The following LAMA3 variants were observed in gnomAD, a reference collection of about 807,000 sequenced individuals.
The protein encoded by LAMA3 is laminin subunit alpha 3.
Under a neutral mutation model 402.0 loss-of-function variants are expected in LAMA3, and 281 were observed. The observed-to-expected ratio is 0.70, with a 90% CI of 0.63 to 0.77. The LOEUF is 0.77. LAMA3 is among the 30% of genes least tolerant of loss of function. The pLI, the probability that LAMA3 is intolerant of heterozygous loss-of-function variation, is 0.00. For missense variants in LAMA3, 3,840 were observed against 4,215.5 expected, an observed-to-expected ratio of 0.91 and a Z score of 2.47; for synonymous variants, 1,431 against 1,558.4, an observed-to-expected ratio of 0.92 and a Z score of 1.93.
At chr18:23,848,822 C>T (rs551640528) in intron 32 of LAMA3, among the ~76,000 whole-genome samples, 1 of 152,196 alleles carries the variant, frequency 6.6e-6, no homozygotes, top group South Asian at 2.1e-4. Flanking sequence ...TTGGTTTCTT[C>T]CGGAGGGTCT....
chr18:23,775,843 G>T lies in LAMA3; in HGVS notation c.1325G>T (p.Arg442Leu). 6.2e-7 allele frequency: 1 copy of T among 1,613,912 alleles called. No individual in the cohort carries two copies. Among genetic ancestry groups the T allele is most frequent in the Non-Finnish European group, 8.5e-7 (1 of 1,179,786 alleles). ...GATGGCTGTGAACAGGGTTCAGGCC[G>T]CTGTCACTGCAAGCCAAATTTCCAC... is the stretch of plus-strand genomic sequence containing the variant. ...HADGCEQGSG[R>L]CHCKPNFHGD... The change falls in exon 10 of 75, where the codon CGC (arginine) becomes CTC (leucine). Residue 442 changes from arginine to leucine, a missense_variant. Physicochemically the swap from Arg to Leu is moderately radical, Grantham distance 102. Transcript: ENST00000313654.
chr18:23,890,182 A>T, intron 42 of LAMA3, 65 bp downstream of exon 42: 1 of 1,062,988 alleles, frequency 9.4e-7, no homozygotes, highest in Non-Finnish European at 1.5e-6. Context: ...ACAGCCTAAG[A>T]ACCCAAGCAC....
chr18:23,692,544 T>C (rs947978317), intron 1 of LAMA3, among the ~76,000 whole-genome samples: 3 of 152,228 alleles, frequency 2.0e-5, no homozygotes, highest in African/African-American at 7.2e-5. Context: ...AGTGCTAGGA[T>C]TACAGGCATG....
intron 12 of LAMA3, among the ~76,000 whole-genome samples, chr18:23,805,836 A>G (rs2062952528): frequency 6.6e-6 from 1 of 152,214 alleles, no homozygotes; most frequent in African/African-American, 2.4e-5. Context: ...AGAAAGATTT[A>G]CCTTATAAAT....
At chr18:23,901,770 G>A (rs1010400499) in intron 48 of LAMA3, among the ~76,000 whole-genome samples, 1 of 152,158 alleles carries the variant, frequency 6.6e-6, no homozygotes, top group Non-Finnish European at 1.5e-5. Flanking sequence ...TAAAAGTACA[G>A]GCCACCTACA....
chr18:23,911,676 G>T (rs542289482), intron 55 of LAMA3, among the ~76,000 whole-genome samples: 1 of 150,942 alleles, frequency 6.6e-6, no homozygotes, highest in African/African-American at 2.4e-5. Flanking sequence ...TATTTTTCAG[G>T]ACTGAACACC....
At chr18:23,693,633 A>G (rs1390596722) in intron 1 of LAMA3, among the ~76,000 whole-genome samples, 1 of 152,084 alleles carries the variant, frequency 6.6e-6, no homozygotes, top group East Asian at 1.9e-4. Flanking sequence ...CTTCTATATT[A>G]TAGAAATAGT....
intron 7 of LAMA3, among the ~76,000 whole-genome samples, chr18:23,761,253 G>A (rs1010656920): frequency 1.3e-5 from 2 of 152,118 alleles, no homozygotes; most frequent in African/African-American, 4.8e-5. Flanking sequence ...TGAGAACTAT[G>A]CTCTATTGCA....
chr18:23,907,469 G>T, intron 52 of LAMA3, 81 bp from the exon 53 acceptor site: 1 of 983,482 alleles, frequency 1.0e-6, no homozygotes, highest in South Asian at 1.3e-5. Flanking sequence ...TGCAGACACT[G>T]GCTACTTCAG....
At chr18:23,823,792 G>A (rs1342130070) in intron 20 of LAMA3, among the ~76,000 whole-genome samples, 1 of 152,174 alleles carries the variant, frequency 6.6e-6, no homozygotes, top group Non-Finnish European at 1.5e-5. Context: ...CTTGTAGAAG[G>A]TCCTCTCTTT....
chr18:23,933,173 G>A (rs1164683795), intron 66 of LAMA3, among the ~76,000 whole-genome samples: 1 of 152,118 alleles, frequency 6.6e-6, no homozygotes, highest in East Asian at 1.9e-4. Context: ...GTATCATCCA[G>A]TGCCCATCTT....
chr18:23,784,276 G>A, intron 12 of LAMA3, 119 bp downstream of exon 12: 1 of 1,146,036 alleles, frequency 8.7e-7, no homozygotes, highest in Non-Finnish European at 1.3e-6. Context: ...TGGGCCCCTG[G>A]CTTATATATG....
chr18:23,903,443 TC>T (rs2081139042), intron 49 of LAMA3, among the ~76,000 whole-genome samples: 1 of 152,236 alleles, frequency 6.6e-6, no homozygotes, highest in Non-Finnish European at 1.5e-5. Context: ...TAAGACTTGA[TC>T]AAAACTGACA....
intron 12 of LAMA3, among the ~76,000 whole-genome samples, chr18:23,785,232 A>G (rs892662984): frequency 3.3e-5 from 5 of 152,166 alleles, no homozygotes; most frequent in African/African-American, 7.2e-5. Flanking sequence ...TGCAAACCCA[A>G]TTGGCATCCA....
chr18:23,939,376 C>T lies in LAMA3; in HGVS notation c.9016C>T (p.Leu3006=), dbSNP rs377253675. 3 of 1,614,084 alleles carry T rather than the reference C, an allele frequency of 1.9e-6. No homozygotes were observed. The African/African-American group carries it at 4.0e-5, about 22-fold the overall frequency. ...HLLFKLPQEL[L]KPRSQFAVDM... is the part of the protein sequence containing the mutation. ...GCTATTCAAGCTTCCTCAGGAGCTG[C>T]TGAAACCCAGGTATTATTTAGCTTT... The change falls in exon 68 of 75, where the codon CTG becomes TTG. Residue 3006 remains leucine, a synonymous_variant. Coordinates refer to ENST00000313654, the MANE Select transcript of LAMA3 (RefSeq NM_198129.4).
intron 13 of LAMA3, among the ~76,000 whole-genome samples, chr18:23,812,237 A>G (rs1290279498): frequency 2.0e-5 from 3 of 152,108 alleles, no homozygotes; most frequent in Non-Finnish European, 2.9e-5. Context: ...AGCTCCTCAG[A>G]AGGATGAGGT....
chr18:23,940,279 C>G (rs1295179296), intron 68 of LAMA3, among the ~76,000 whole-genome samples: 1 of 152,192 alleles, frequency 6.6e-6, no homozygotes, highest in Non-Finnish European at 1.5e-5. Context: ...AGTCCACAGA[C>G]TGTAACACAG....
chr18:23,902,925 G>A (rs537252987), intron 48 of LAMA3, 84 bp from the exon 49 acceptor site: 183 of 801,770 alleles, frequency 2.3e-4, no homozygotes, highest in Non-Finnish European at 3.4e-4. Context: ...TTGAAATTAC[G>A]TATATGCTAT....
At position 23,747,927 on chromosome 18, in the gene LAMA3, T is replaced by C. The variant is rs1187618277; in HGVS notation, c.448-16T>C. ...ATGAGATGACATTAATAACTGTATC[T>C]CTTTTGTTTTATCAGCTCTTCCATG... On this transcript the variant is annotated splice_polypyrimidine_tract_variant and intron_variant, in intron 2 of 74. Transcript: ENST00000313654. The C allele has an allele frequency of 1.5e-6, 2 of 1,347,790 alleles. No homozygotes were observed. The highest frequency in any genetic ancestry group is 2.9e-5 in the African/African-American group (2 of 69,670). The allele number at this position is 1,347,790 out of a possible 1,614,324, so 83.5% of individuals were successfully genotyped here.
Sources: allele counts gnomAD v4.1 joint callset (sites outside exome capture counted in the v4.1 genomes callset), GRCh38; gene constraint gnomAD v4.1.1; transcripts MANE v1.5; gene names NCBI Gene and HGNC (gene_info 2026-07-23, HGNC 2026-07-21).